SYCP2: variants seen among roughly 807,000 people sequenced by gnomAD.
SYCP2 encodes synaptonemal complex lateral element protein.
A neutral mutation model predicts 211.3 loss-of-function variants in SYCP2; 55 were observed. The observed-to-expected ratio is 0.26, with a 90% CI of 0.21 to 0.33. SYCP2 has a LOEUF of 0.33. Among genes scored for constraint, SYCP2 ranks in the 10% least tolerant of loss-of-function variants. SYCP2 has a pLI of 1.00. For synonymous variants in SYCP2, 570 were observed against 555.2 expected (o/e 1.03, Z -0.37); for missense variants, 1,731 against 1,752.0 (o/e 0.99, Z 0.21).
At chr20:59,923,766 A>C (rs1023360139) in intron 2 of SYCP2, among the ~76,000 whole-genome samples, 2 of 151,918 alleles carry the variant, frequency 1.3e-5, no homozygotes, top group African/African-American at 4.8e-5. Context: ...TAGTGAAAGA[A>C]TACGTAACTA....
At chr20:59,910,050 A>G (rs1189184604) in intron 14 of SYCP2, among the ~76,000 whole-genome samples, 1 of 152,192 alleles carries the variant, frequency 6.6e-6, no homozygotes, top group Non-Finnish European at 1.5e-5. Context: ...ATGTGACTGG[A>G]ACACAGTCAT....
In SYCP2 at chr20:59,896,420, A is replaced by G. The variant is rs746906320; in HGVS notation, c.1504+9T>C. On this transcript the variant is annotated intron_variant, in intron 19 of 44. Coordinates refer to ENST00000357552, the MANE Select transcript of SYCP2 (RefSeq NM_014258.4). ...ATTGTTAGAAATCTTTTAAAACTAT[A>G]AAACTTACATGTGTTGCTGAAAAGC... 6.8e-7 allele frequency: 1 copy of G among 1,473,866 alleles called. No homozygotes were observed. The highest frequency in any genetic ancestry group is 1.9e-5 in the Admixed American group (1 of 53,776). The allele number at this position is 1,473,866 out of a possible 1,614,324, so 91.3% of individuals were successfully genotyped here.
chr20:59,923,116 A>G (rs758811029), intron 2 of SYCP2, among the ~76,000 whole-genome samples: 19 of 151,972 alleles, frequency 1.3e-4, no homozygotes, highest in Non-Finnish European at 2.5e-4. Flanking sequence ...CTAATAGAAA[A>G]TATCCACCAG....
chr20:59,893,843 T>A (rs2059956566), intron 20 of SYCP2, among the ~76,000 whole-genome samples: 1 of 152,032 alleles, frequency 6.6e-6, no homozygotes, highest in African/African-American at 2.4e-5. Flanking sequence ...ATAGCTAGCA[T>A]AATAATTCAG....
At chr20:59,926,215 T>G (rs1306897442) in intron 2 of SYCP2, among the ~76,000 whole-genome samples, 2 of 152,088 alleles carry the variant, frequency 1.3e-5, no homozygotes, top group Non-Finnish European at 2.9e-5. Context: ...CAGCTATGTG[T>G]GGACTCTCAC....
At chr20:59,904,651 A>G (rs1042228791) in intron 15 of SYCP2, among the ~76,000 whole-genome samples, 3 of 152,190 alleles carry the variant, frequency 2.0e-5, no homozygotes, top group Admixed American at 6.5e-5. Context: ...TGACTGATCG[A>G]GAGAGGAAAC....
intron 33 of SYCP2, 134 bp downstream of exon 33, chr20:59,877,251 A>G (rs1389419100): frequency 4.3e-6 from 3 of 705,466 alleles, no homozygotes; most frequent in Non-Finnish European, 6.1e-6. Context: ...AATTTCTAGA[A>G]TTATTATTTA....
intron 44 of SYCP2, 79 bp downstream of exon 44, chr20:59,865,309 T>C: frequency 1.7e-6 from 2 of 1,149,916 alleles, no homozygotes; most frequent in East Asian, 2.4e-5. Context: ...AAGAAAGACA[T>C]AAAAGCACAC....
intron 17 of SYCP2, 145 bp downstream of exon 17, chr20:59,900,599 A>G (rs1457418183): frequency 6.5e-6 from 4 of 618,266 alleles, no homozygotes; most frequent in Non-Finnish European, 1.1e-5. Flanking sequence ...ATGTTTAAAC[A>G]TCATATACAT....
At chr20:59,865,678 T>C (rs2059317650) in intron 42 of SYCP2, 27 bp from the exon 43 acceptor site, 2 of 1,477,856 alleles carry the variant, frequency 1.4e-6, no homozygotes, top group Non-Finnish European at 1.8e-6. Flanking sequence ...TGAGTTAACC[T>C]TGTATTTATC....
rs1600986418 is a variant in SYCP2, at chr20:59,921,530, A to G, written c.25-77T>C. 7.5e-6 allele frequency: 8 copies of G among 1,066,848 alleles called. No individual in the cohort carries two copies. The East Asian group carries it at 1.8e-4, about 24-fold the overall frequency. 66.1% of individuals were successfully genotyped at this position (1,066,848 alleles called of 1,614,324 possible). Reference sequence around the variant, plus strand: ...CCTTATGCAATCTAGTAATTTGAGAACCGTTTTCACATGAAAACTCTCAAA... The same window carrying G: ...CCTTATGCAATCTAGTAATTTGAGAGCCGTTTTCACATGAAAACTCTCAAA... On this transcript the variant is annotated intron_variant, in intron 3 of 44. Coordinates refer to ENST00000357552, the MANE Select transcript of SYCP2 (RefSeq NM_014258.4).
At chr20:59,866,229 T>C (rs993692910) in intron 41 of SYCP2, 64 bp downstream of exon 41, 11 of 1,086,504 alleles carry the variant, frequency 1.0e-5, no homozygotes, top group African/African-American at 4.9e-5. Flanking sequence ...AGAAAGTTTT[T>C]CCAAGTATAG....
At position 59,875,388 on chromosome 20, in the gene SYCP2, C is replaced by G; in HGVS notation, c.3232G>C (p.Glu1078Gln). 1.2e-6 allele frequency: 2 copies of G among 1,612,364 alleles called. No individual in the cohort carries two copies. The highest frequency in any genetic ancestry group is 1.7e-5 in the Admixed American group (1 of 59,892). The change falls in exon 34 of 45, where the codon GAA (glutamate) becomes CAA (glutamine). Residue 1078 changes from glutamate (E) to glutamine (Q), a missense_variant. Glu to Gln is a conservative substitution (Grantham distance 29, BLOSUM62 2). Coordinates refer to ENST00000357552, the MANE Select transcript of SYCP2 (RefSeq NM_014258.4). ...QKVFCAETEK[E>Q]LSKQWKNSSL... ...GAGTTTTTCCATTGTTTTGATAGTT[C>G]CTTTTCTGTTTCAGCACAGAAGACT...
rs1201651276 is a variant in SYCP2, at chr20:59,882,088, T to C, written c.2600+7A>G. On this transcript the variant is annotated splice_region_variant and intron_variant, in intron 27 of 44. Coordinates refer to ENST00000357552, the MANE Select transcript of SYCP2 (RefSeq NM_014258.4). ...AGAAAATGAAAAATATTACAAAAAATACTTACACTGGGCATTCAGAAGTAA... is the reference window on the plus strand; with the variant it reads ...AGAAAATGAAAAATATTACAAAAAACACTTACACTGGGCATTCAGAAGTAA... 2 of 1,611,618 alleles carry C rather than the reference T, an allele frequency of 1.2e-6. No individual in the cohort carries two copies. Among genetic ancestry groups the C allele is most frequent in the Non-Finnish European group, 1.7e-6 (2 of 1,178,632 alleles).
chr20:59,879,822 A>AATATATATATATAT (rs1159547809), intron 31 of SYCP2, among the ~76,000 whole-genome samples: 10 of 51,076 alleles, frequency 2.0e-4, no homozygotes, highest in South Asian at 5.1e-4. Context: ...AATATAAATA[A>AATATATATATATAT]ATATATATAT....
Position 59,895,561 on chromosome 20 carries a change from AGTGGTGGTTTAATTCTTCTTCTTC to A in SYCP2, c.1517_1540del (p.Arg506_Pro513del). 1 of 1,613,250 alleles carries A rather than the reference AGTGGTGGTTTAATTCTTCTTCTTC, an allele frequency of 6.2e-7. No individual in the cohort carries two copies. Among genetic ancestry groups the A allele is most frequent in the East Asian group, 2.2e-5 (1 of 44,824 alleles). ...TTTCTCTGCAGAGCTCGTCATTTGCAGTGGTGGTTTAATTCTTCTTCTTCGTGGTGGTATTGCTAAAAAGGAGGA... is the reference window on the plus strand; with the variant it reads ...TTTCTCTGCAGAGCTCGTCATTTGCAGTGGTGGTATTGCTAAAAAGGAGGA... On this transcript the variant is annotated inframe_deletion, in exon 20 of 45. Transcript: ENST00000357552.
chr20:59,875,417 T>C lies in SYCP2; in HGVS notation c.3203A>G (p.Gln1068Arg). 1 of 1,613,044 alleles carries C rather than the reference T, an allele frequency of 6.2e-7. No individual in the cohort carries two copies. The highest frequency in any genetic ancestry group is 8.5e-7 in the Non-Finnish European group (1 of 1,179,460). The change falls in exon 34 of 45, where the codon CAG becomes CGG. Residue 1068 changes from glutamine (Q) to arginine (R), a missense_variant. By Grantham distance (43) the Gln-to-Arg change is conservative (BLOSUM62 1). Coordinates refer to ENST00000357552, the MANE Select transcript of SYCP2 (RefSeq NM_014258.4). The stretch of plus-strand genomic sequence containing the variant: ...TTCTGTTTCAGCACAGAAGACTTTC[T>C]GTTGTTTCTTTGGTAGCTTTACCGT... ...MKTVKLPKKQ[Q>R]KVFCAETEKE...
chr20:59,929,673 A>G (rs1601011522), intron 2 of SYCP2, among the ~76,000 whole-genome samples: 2 of 152,258 alleles, frequency 1.3e-5, no homozygotes, highest in South Asian at 4.1e-4. Context: ...TCTAAAGTAT[A>G]CTTAATAAAG....
intron 33 of SYCP2, among the ~76,000 whole-genome samples, chr20:59,876,369 C>CCAAAAA (rs2059556204): frequency 4.3e-5 from 1 of 23,076 alleles, no homozygotes; most frequent in African/African-American, 1.2e-4. Context: ...GGCTGTGTCT[C>CCAAAAA]AAAAAAAAAA....
Sources: allele counts gnomAD v4.1 joint callset (sites outside exome capture counted in the v4.1 genomes callset), GRCh38; gene constraint gnomAD v4.1.1; transcripts MANE v1.5; gene names NCBI Gene and HGNC (gene_info 2026-07-23, HGNC 2026-07-21).